Variants in TAF3 observed in about 807,000 individuals in gnomAD.
The protein encoded by TAF3 is TATA-box binding protein associated factor 3.
TAF3 carries 7 observed loss-of-function variants against 80.6 expected under a neutral mutation model. The ratio of observed to expected loss-of-function variants is 0.09; its 90% CI spans 0.05 to 0.16. The LOEUF is 0.16. Ranked by LOEUF, TAF3 falls within the 10% of genes least tolerant of loss-of-function variation. TAF3 has a pLI of 1.00. For missense variants in TAF3, 921 were observed against 1,140.2 expected (o/e 0.81, Z 2.77); for synonymous variants, 444 against 446.1 (o/e 1.00, Z 0.06).
chr10:7,858,045 C>T (rs561443078), intron 2 of TAF3, among the ~76,000 whole-genome samples: 15 of 151,212 alleles, frequency 9.9e-5, no homozygotes, highest in Non-Finnish European at 1.8e-4. Context: ...GAGGTTTGAA[C>T]GGCCTCAGTA....
intron 2 of TAF3, 124 bp from the exon 3 acceptor site, chr10:7,963,796 C>T: frequency 9.6e-7 from 1 of 1,046,008 alleles, no homozygotes; most frequent in Non-Finnish European, 1.3e-6. Flanking sequence ...TACCCTAGAA[C>T]TTAAAGTATA....
chr10:7,867,826 C>G (rs558798996), intron 2 of TAF3, among the ~76,000 whole-genome samples: 1 of 152,206 alleles, frequency 6.6e-6, no homozygotes, highest in African/African-American at 2.4e-5. Flanking sequence ...CTTTTGACTC[C>G]CCCAAAACTT....
rs1019480643 is a variant in TAF3 at position 8,016,083 on chromosome 10, ATATTT to A, written c.*1339_*1343del. On this transcript the variant is annotated 3_prime_UTR_variant, in exon 7 of 7. Transcript: ENST00000344293. Reference sequence around the variant, plus strand: ...TATAGATGTCTGAGAGGTAAACCAAATATTTTATTTTTAATGTTAAAAAAACATCA... The same window carrying A: ...TATAGATGTCTGAGAGGTAAACCAAATATTTTTAATGTTAAAAAAACATCA... 1.4e-4 allele frequency: 21 copies of A among 152,188 alleles called. No individual in the cohort carries two copies. The highest frequency in any genetic ancestry group is 1.2e-3 in the Admixed American group (19 of 15,292). The allele number at this position is 152,188 out of a possible 1,614,324, so 9.4% of individuals were successfully genotyped here.
chr10:7,834,239 C>T (rs919171930), intron 2 of TAF3, among the ~76,000 whole-genome samples: 1 of 152,190 alleles, frequency 6.6e-6, no homozygotes, highest in Admixed American at 6.5e-5. Context: ...TTTTGTCACC[C>T]TGCGCTTTTG....
At chr10:7,972,919 A>T (rs1270629063) in intron 3 of TAF3, among the ~76,000 whole-genome samples, 1 of 152,230 alleles carries the variant, frequency 6.6e-6, no homozygotes, top group Non-Finnish European at 1.5e-5. Flanking sequence ...AGAGATATTG[A>T]CAAATAAAGT....
intron 2 of TAF3, among the ~76,000 whole-genome samples, chr10:7,849,328 T>C (rs1172010040): frequency 6.6e-6 from 1 of 152,206 alleles, no homozygotes; most frequent in Non-Finnish European, 1.5e-5. Flanking sequence ...CTTTAGATTA[T>C]ATTACTACAA....
chr10:7,898,859 T>C (rs1217425567), intron 2 of TAF3, among the ~76,000 whole-genome samples: 1 of 152,132 alleles, frequency 6.6e-6, no homozygotes, highest in Non-Finnish European at 1.5e-5. Context: ...ATGTTGTGGA[T>C]TGCTGGGTGT....
chr10:7,962,364 A>C (rs528025079), intron 2 of TAF3, among the ~76,000 whole-genome samples: 2 of 152,064 alleles, frequency 1.3e-5, no homozygotes, highest in Admixed American at 6.5e-5. Context: ...TCCCACCCTC[A>C]TCCATCCTGC....
At chr10:7,947,564 T>C (rs894667229) in intron 2 of TAF3, among the ~76,000 whole-genome samples, 4 of 152,042 alleles carry the variant, frequency 2.6e-5, no homozygotes, top group African/African-American at 9.7e-5. Flanking sequence ...GGGGTGACAT[T>C]AGAGAGCCAA....
chr10:7,998,477 G>A (rs1273931715), intron 4 of TAF3, among the ~76,000 whole-genome samples: 1 of 152,068 alleles, frequency 6.6e-6, no homozygotes, highest in East Asian at 1.9e-4. Context: ...GTTTCTATCT[G>A]TTGGCCACAC....
rs1832029763 is a variant in TAF3 at position 8,009,297 on chromosome 10, C to A, written c.2535C>A (p.Arg845=). ...ASGASAKAPV[R]SVVTETVSTY... Reference sequence around the variant, plus strand: ...GGGCCAGTGCCAAAGCCCCCGTGCGCAGCGTGGTGACTGAGACGGTCAGCA... The same window carrying A: ...GGGCCAGTGCCAAAGCCCCCGTGCGAAGCGTGGTGACTGAGACGGTCAGCA... Residue 845 remains arginine, a synonymous_variant, in exon 5 of 7, where the codon CGC becomes CGA. Coordinates refer to ENST00000344293, the MANE Select transcript of TAF3 (RefSeq NM_031923.4). The surrounding 1 kb of genome is among the most constrained non-coding windows in gnomAD (Gnocchi z 4.1). 6.3e-7 allele frequency: 1 copy of A among 1,589,450 alleles called. No individual in the cohort carries two copies. Among genetic ancestry groups the A allele is most frequent in the African/African-American group, 1.4e-5 (1 of 72,228 alleles).
chr10:7,861,129 T>A (rs1837141534), intron 2 of TAF3, among the ~76,000 whole-genome samples: 1 of 151,466 alleles, frequency 6.6e-6, no homozygotes. Context: ...GCCCGGCTAA[T>A]TTTTTTTTGT....
At chr10:7,942,028 T>C (rs545139294) in intron 2 of TAF3, among the ~76,000 whole-genome samples, 37 of 152,348 alleles carry the variant, frequency 2.4e-4, no homozygotes, top group African/African-American at 8.9e-4. Context: ...GAGGTCAGTT[T>C]TTTTGCTTCA....
At position 8,016,489 on chromosome 10, in the gene TAF3, T is replaced by C. The variant is rs913638031; in HGVS notation, c.*1738T>C. On this transcript the variant is annotated 3_prime_UTR_variant, in exon 7 of 7. Transcript: ENST00000344293. ...GAAACAAAGCATCTATGTTGAGATATGTGTTTTTTTGTTTGATTAATTTGA... is the reference window on the plus strand; with the variant it reads ...GAAACAAAGCATCTATGTTGAGATACGTGTTTTTTTGTTTGATTAATTTGA... 2.0e-5 allele frequency: 3 copies of C among 152,276 alleles called. No homozygotes were observed. The highest frequency in any genetic ancestry group is 4.4e-5 in the Non-Finnish European group (3 of 68,030). 9.4% of individuals were successfully genotyped at this position (152,276 alleles called of 1,614,324 possible). A position where few individuals can be genotyped will look rare whatever the true frequency, so the allele number is the denominator to read the frequency against.
At chr10:7,884,130 G>T (rs891317398) in intron 2 of TAF3, among the ~76,000 whole-genome samples, 16 of 152,162 alleles carry the variant, frequency 1.1e-4, no homozygotes, top group Non-Finnish European at 1.5e-4. Flanking sequence ...CCACACTGGG[G>T]ACTGGGTTTC....
chr10:7,863,879 T>C (rs569298593), intron 2 of TAF3, among the ~76,000 whole-genome samples: 2 of 151,896 alleles, frequency 1.3e-5, no homozygotes, highest in South Asian at 4.2e-4. Context: ...ATATTTCATA[T>C]TTTCAATGTT....
chr10:7,998,966 C>T (rs536384916), intron 4 of TAF3, among the ~76,000 whole-genome samples: 1 of 151,980 alleles, frequency 6.6e-6, no homozygotes. Flanking sequence ...AAACCATTTC[C>T]GGAAAACAGA....
chr10:7,918,952 G>T (rs187533653), intron 2 of TAF3, among the ~76,000 whole-genome samples: 23 of 152,278 alleles, frequency 1.5e-4, no homozygotes, highest in African/African-American at 5.5e-4. Context: ...TTGCTGCGTG[G>T]TATACAGAAG....
chr10:8,003,223 CTT>C (rs2131436761), intron 4 of TAF3, among the ~76,000 whole-genome samples: 1 of 151,324 alleles, frequency 6.6e-6, no homozygotes, highest in African/African-American at 2.4e-5. Context: ...TCTCTCTTTT[CTT>C]TTATCAGACC....
Sources: gnomAD v4.1 joint callset for allele counts (sites outside exome capture counted in the v4.1 genomes callset) on GRCh38, gnomAD v4.1.1 for gene constraint, Gnocchi (gnomAD v3.1) non-coding constraint, MANE v1.5 for transcripts, NCBI Gene and HGNC (gene_info 2026-07-23, HGNC 2026-07-21) for gene names.